Variants in GPC5 observed in about 807,000 individuals in gnomAD.
The protein encoded by GPC5 is glypican 5, also known as glypican-5.
A neutral mutation model predicts 53.9 loss-of-function variants in GPC5; 47 were observed. The observed-to-expected ratio is 0.87, with a 90% CI of 0.69 to 1.11. GPC5 has a LOEUF of 1.11. Ranked by LOEUF, GPC5 falls within the 50% of genes most tolerant of loss-of-function variation. The pLI, the probability that GPC5 is intolerant of heterozygous loss-of-function variation, is 0.00. For missense variants in GPC5, 748 were observed against 713.1 expected, an observed-to-expected ratio of 1.05 and a Z score of -0.56; for synonymous variants, 286 against 263.3, an observed-to-expected ratio of 1.09 and a Z score of -0.84.
intron 2 of GPC5, among the ~76,000 whole-genome samples, chr13:91,634,622 AT>A (rs935176382): frequency 2.6e-5 from 4 of 152,046 alleles, no homozygotes; most frequent in East Asian, 1.9e-4. Context: ...GGGAGTAATA[AT>A]TTTTTTCCTA....
chr13:91,571,205 G>A (rs1035841863), intron 2 of GPC5, among the ~76,000 whole-genome samples: 9 of 151,982 alleles, frequency 5.9e-5, no homozygotes, highest in African/African-American at 1.9e-4. Flanking sequence ...TTAATAATTT[G>A]TATGCAAGTA....
chr13:91,559,079 C>T (rs1473056082), intron 2 of GPC5, among the ~76,000 whole-genome samples: 1 of 151,896 alleles, frequency 6.6e-6, no homozygotes, highest in Non-Finnish European at 1.5e-5. Context: ...GTCTCAGGAG[C>T]CATATTTAAA....
intron 7 of GPC5, among the ~76,000 whole-genome samples, chr13:92,347,584 C>T (rs187738647): frequency 1.3e-5 from 2 of 151,464 alleles, no homozygotes; most frequent in East Asian, 2.0e-4. Context: ...AATAATGATA[C>T]ATATGAAACT....
At chr13:91,438,600 C>T (rs1160879069) in intron 1 of GPC5, among the ~76,000 whole-genome samples, 2 of 152,262 alleles carry the variant, frequency 1.3e-5, no homozygotes, top group East Asian at 1.9e-4. Flanking sequence ...TTAGGCTACT[C>T]GGGGGTCAGG....
At position 91,701,687 on chromosome 13, in the gene GPC5, A is replaced by G. The variant is rs76213338; in HGVS notation, c.1020+7806A>G. On this transcript the variant is annotated intron_variant, in intron 3 of 7. Transcript: ENST00000377067. ...TATATATCTCACATCTGCTTTATCT[A>G]TTCATCTGTTGATGGACACTTAGAT... Among the ~76,000 whole-genome samples the G allele has an allele frequency of 7.8e-3, 1,190 of 152,076 alleles. 17 individuals are homozygous for G. Among genetic ancestry groups the G allele is most frequent in the African/African-American group, 0.027 (1,122 of 41,498 alleles).
intron 2 of GPC5, among the ~76,000 whole-genome samples, chr13:91,637,850 G>A (rs1172168759): frequency 6.6e-6 from 1 of 152,194 alleles, no homozygotes; most frequent in Non-Finnish European, 1.5e-5. Context: ...GCACAGCACT[G>A]GACTGAGATG....
intron 7 of GPC5, among the ~76,000 whole-genome samples, chr13:92,426,062 T>C (rs1876818777): frequency 1.3e-5 from 2 of 152,218 alleles, no homozygotes; most frequent in African/African-American, 4.8e-5. Context: ...CACCGAACAC[T>C]GAAGGCCTCT....
intron 6 of GPC5, among the ~76,000 whole-genome samples, chr13:92,124,706 A>G (rs2041680495): frequency 6.6e-6 from 1 of 152,230 alleles, no homozygotes; most frequent in East Asian, 1.9e-4. Flanking sequence ...AAGAGAGACA[A>G]GCTGCTGCAT....
intron 7 of GPC5, among the ~76,000 whole-genome samples, chr13:92,155,539 T>C (rs1342807596): frequency 1.3e-5 from 2 of 152,158 alleles, no homozygotes; most frequent in African/African-American, 4.8e-5. Flanking sequence ...TGTTATCTTC[T>C]TTTAACTTTC....
intron 7 of GPC5, among the ~76,000 whole-genome samples, chr13:92,568,059 A>T (rs372566779): frequency 6.6e-6 from 1 of 152,142 alleles, no homozygotes; most frequent in Non-Finnish European, 1.5e-5. Flanking sequence ...ACAGTGGCTC[A>T]CGCTGATATC....
chr13:91,850,476 C>T (rs1282710774), intron 5 of GPC5, among the ~76,000 whole-genome samples: 1 of 152,204 alleles, frequency 6.6e-6, no homozygotes, highest in East Asian at 1.9e-4. Flanking sequence ...TAATGTTGCC[C>T]TCTGCAACAC....
At chr13:91,729,966 T>G (rs947169919) in intron 4 of GPC5, among the ~76,000 whole-genome samples, 2 of 152,178 alleles carry the variant, frequency 1.3e-5, no homozygotes, top group African/African-American at 4.8e-5. Context: ...TGAAAGGTTT[T>G]AAAAGTATCT....
intron 7 of GPC5, among the ~76,000 whole-genome samples, chr13:92,255,774 T>G (rs2042722324): frequency 6.6e-6 from 1 of 152,088 alleles, no homozygotes; most frequent in South Asian, 2.1e-4. Context: ...ACTCACAAGA[T>G]TTTGTTGCTT....
intron 3 of GPC5, among the ~76,000 whole-genome samples, chr13:91,696,984 GT>G (rs1251037967): frequency 6.6e-6 from 1 of 152,082 alleles, no homozygotes; most frequent in Non-Finnish European, 1.5e-5. Context: ...GTTTGCTTCA[GT>G]TTCCTCTTTG....
At chr13:92,058,532 G>T (rs934877679) in intron 6 of GPC5, among the ~76,000 whole-genome samples, 4 of 152,100 alleles carry the variant, frequency 2.6e-5, no homozygotes, top group Admixed American at 2.0e-4. Context: ...ATCACTCAAA[G>T]TCTGTAGTTT....
intron 4 of GPC5, among the ~76,000 whole-genome samples, 178 bp from the exon 5 acceptor site, chr13:91,756,117 A>G (rs965161932): frequency 1.7e-4 from 26 of 151,522 alleles, no homozygotes; most frequent in Non-Finnish European, 3.7e-4. Context: ...TGGTGGTTAG[A>G]AAAGTATTTA....
chr13:91,497,880 T>C (rs996841696), intron 2 of GPC5, among the ~76,000 whole-genome samples: 1 of 152,180 alleles, frequency 6.6e-6, no homozygotes, highest in Non-Finnish European at 1.5e-5. Context: ...ATGCAAGGTG[T>C]GATAATCATA....
chr13:92,074,415 G>A (rs2041236839), intron 6 of GPC5, among the ~76,000 whole-genome samples: 1 of 152,072 alleles, frequency 6.6e-6, no homozygotes, highest in Non-Finnish European at 1.5e-5. Flanking sequence ...AGAGATACAG[G>A]GAAAGTGTAT....
intron 6 of GPC5, among the ~76,000 whole-genome samples, chr13:91,934,087 A>C (rs1206113484): frequency 6.6e-6 from 1 of 151,844 alleles, no homozygotes; most frequent in African/African-American, 2.4e-5. Context: ...AAAGTTATTA[A>C]GGAATTTATT....
Sources: gnomAD v4.1 joint callset for allele counts (sites outside exome capture counted in the v4.1 genomes callset) on GRCh38, gnomAD v4.1.1 for gene constraint, MANE v1.5 for transcripts, NCBI Gene and HGNC (gene_info 2026-07-23, HGNC 2026-07-21) for gene names.